SLC16A10: variants seen among roughly 807,000 people sequenced by gnomAD.
SLC16A10 encodes solute carrier family 16 member 10, also known as monocarboxylate transporter 10.
SLC16A10 carries 27 observed loss-of-function variants against 40.0 expected under a neutral mutation model. That is an observed-to-expected ratio of 0.67 (90% CI 0.50 to 0.93). The LOEUF is 0.93. Among genes scored for constraint, SLC16A10 ranks in the 40% least tolerant of loss-of-function variants. The pLI, the probability that SLC16A10 is intolerant of heterozygous loss-of-function variation, is 0.00. For missense variants in SLC16A10, 529 were observed against 658.2 expected (o/e 0.80, Z 2.15); for synonymous variants, 213 against 249.8 (o/e 0.85, Z 1.39).
chr6:111,181,764 A>G lies in SLC16A10; in HGVS notation c.942+4099A>G, dbSNP rs1772796442. Among the ~76,000 whole-genome samples the G allele has an allele frequency of 1.3e-5, 2 of 152,236 alleles. 1 individual carries two copies. The highest frequency in any genetic ancestry group is 1.3e-4 in the Admixed American group (2 of 15,282). ...TCTTCTCGTAGTTGACGTTTCAAAA[A>G]GAAGAATTAGATTGCCTCCTCGAAG... is the stretch of plus-strand genomic sequence containing the variant. On this transcript the variant is annotated intron_variant, in intron 3 of 5. Transcript: ENST00000368851.
Position 111,224,386 on chromosome 6 carries a change from CA to C in SLC16A10, c.*2155del, listed in dbSNP as rs1164227503. ...AAGACCTCTACAGTGTTTTTCTTTT[CA>C]AAATTTGGCTGATTTTAGGAAAAAA... On this transcript the variant is annotated 3_prime_UTR_variant, in exon 6 of 6. Transcript: ENST00000368851. 1 of 152,120 alleles carries C rather than the reference CA, an allele frequency of 6.6e-6. No homozygotes were observed. The highest frequency in any genetic ancestry group is 1.5e-5 in the Non-Finnish European group (1 of 68,012). 9.4% of individuals were successfully genotyped at this position (152,120 alleles called of 1,614,324 possible).
chr6:111,207,676 T>G (rs926524133), intron 4 of SLC16A10, among the ~76,000 whole-genome samples: 1 of 151,694 alleles, frequency 6.6e-6, no homozygotes, highest in African/African-American at 2.4e-5. Flanking sequence ...CTGAGCAGAG[T>G]TAAGAGGTGA....
intron 1 of SLC16A10, among the ~76,000 whole-genome samples, chr6:111,116,776 TC>T (rs960149531): frequency 6.6e-6 from 1 of 151,988 alleles, no homozygotes; most frequent in Non-Finnish European, 1.5e-5. Flanking sequence ...AGTGGATTTC[TC>T]CCCCCACTAT....
At chr6:111,098,167 A>G (rs962176983) in intron 1 of SLC16A10, among the ~76,000 whole-genome samples, 5 of 152,092 alleles carry the variant, frequency 3.3e-5, no homozygotes, top group African/African-American at 1.2e-4. Context: ...TTAGCCGGGC[A>G]TGGTGGCGCA....
At chr6:111,185,870 TC>T (rs1482726473) in intron 3 of SLC16A10, among the ~76,000 whole-genome samples, 2 of 151,642 alleles carry the variant, frequency 1.3e-5, no homozygotes, top group Non-Finnish European at 2.9e-5. Flanking sequence ...GGAAAACTGT[TC>T]CCTCCTGTTA....
intron 1 of SLC16A10, among the ~76,000 whole-genome samples, chr6:111,137,552 A>G (rs1771901653): frequency 6.6e-6 from 1 of 152,240 alleles, no homozygotes; most frequent in Non-Finnish European, 1.5e-5. Flanking sequence ...GATGCAGTCT[A>G]TGACTCAAAT....
chr6:111,170,090 G>GT (rs1223373810), intron 1 of SLC16A10, among the ~76,000 whole-genome samples: 3 of 151,726 alleles, frequency 2.0e-5, no homozygotes, highest in Non-Finnish European at 4.4e-5. Flanking sequence ...GCTAATTTTT[G>GT]TATTTTTAGT....
intron 1 of SLC16A10, among the ~76,000 whole-genome samples, chr6:111,120,118 T>C (rs1248909775): frequency 6.6e-6 from 1 of 152,230 alleles, no homozygotes; most frequent in Non-Finnish European, 1.5e-5. Context: ...GTCCTCACAT[T>C]GCAGAACCAC....
chr6:111,106,605 G>A lies in SLC16A10; in HGVS notation c.343+18510G>A, dbSNP rs76314015. On this transcript the variant is annotated intron_variant, in intron 1 of 5. Transcript: ENST00000368851. ...TACTTGAGAGGATAAATTAATCAGC[G>A]GTCACTAATCTTTGGATAATCACTC... Among the ~76,000 whole-genome samples, 437 of 152,212 alleles carry A rather than the reference G, an allele frequency of 2.9e-3. 4 individuals are homozygous for A. Among genetic ancestry groups the A allele is most frequent in the Middle Eastern group, 0.017 (5 of 294 alleles).
At chr6:111,122,217 C>T (rs1771596814) in intron 1 of SLC16A10, among the ~76,000 whole-genome samples, 6 of 152,194 alleles carry the variant, frequency 3.9e-5, no homozygotes, top group Admixed American at 3.9e-4. Flanking sequence ...TATTGATGAG[C>T]AGCTGCTGGC....
chr6:111,198,526 C>A (rs202068007), intron 3 of SLC16A10, among the ~76,000 whole-genome samples: 1 of 152,168 alleles, frequency 6.6e-6, no homozygotes, highest in Admixed American at 6.5e-5. Flanking sequence ...GGCTATATGG[C>A]ATAGGTAGAG....
chr6:111,169,318 C>T (rs574427422), intron 1 of SLC16A10, among the ~76,000 whole-genome samples: 2 of 152,282 alleles, frequency 1.3e-5, no homozygotes, highest in South Asian at 4.1e-4. Context: ...AGCCAAAAAG[C>T]CAGGAGAAGA....
intron 3 of SLC16A10, among the ~76,000 whole-genome samples, chr6:111,180,373 A>G (rs984529618): frequency 6.6e-6 from 1 of 152,112 alleles, no homozygotes; most frequent in African/African-American, 2.4e-5. Context: ...GTGAGATTCC[A>G]TCTCTACAAA....
intron 4 of SLC16A10, among the ~76,000 whole-genome samples, chr6:111,215,855 T>A (rs1773413208): frequency 6.6e-6 from 1 of 152,036 alleles, no homozygotes; most frequent in Non-Finnish European, 1.5e-5. Flanking sequence ...AAATAAAAAA[T>A]TAGCCGGGCA....
chr6:111,103,754 A>G (rs1771231969), intron 1 of SLC16A10, among the ~76,000 whole-genome samples: 1 of 152,176 alleles, frequency 6.6e-6, no homozygotes, highest in Admixed American at 6.5e-5. Context: ...GTTAGGTGTT[A>G]CGAGATTGGG....
chr6:111,088,743 T>C (rs1345555962), intron 1 of SLC16A10, among the ~76,000 whole-genome samples: 9 of 152,210 alleles, frequency 5.9e-5, no homozygotes, highest in Non-Finnish European at 1.2e-4. Context: ...GGGTTGCTTC[T>C]TCCCTCTTCC....
intron 1 of SLC16A10, among the ~76,000 whole-genome samples, chr6:111,155,393 T>C (rs1446782814): frequency 1.3e-5 from 2 of 150,582 alleles, no homozygotes. Context: ...AGAGACAGGG[T>C]CTCCCTAGAT....
At chr6:111,139,361 G>A (rs1255134882) in intron 1 of SLC16A10, among the ~76,000 whole-genome samples, 3 of 151,964 alleles carry the variant, frequency 2.0e-5, no homozygotes, top group Non-Finnish European at 4.4e-5. Flanking sequence ...GAGTTCAGTG[G>A]CGTGATCTCG....
intron 1 of SLC16A10, among the ~76,000 whole-genome samples, chr6:111,139,974 A>G (rs1337496731): frequency 1.3e-5 from 2 of 152,216 alleles, no homozygotes; most frequent in African/African-American, 4.8e-5. Flanking sequence ...TTATGAATGT[A>G]AAGAAGGAAA....
Sources: gnomAD v4.1 joint callset for allele counts (sites outside exome capture counted in the v4.1 genomes callset) on GRCh38, gnomAD v4.1.1 for gene constraint, MANE v1.5 for transcripts, NCBI Gene and HGNC (gene_info 2026-07-23, HGNC 2026-07-21) for gene names.